The following TBC1D10B variants were observed in gnomAD, a reference collection of about 807,000 sequenced individuals.
The protein encoded by TBC1D10B is Rab27A-GAPbeta.
Under a neutral mutation model 78.4 loss-of-function variants are expected in TBC1D10B, and 25 were observed. That is an observed-to-expected ratio of 0.32 (90% CI 0.23 to 0.45). TBC1D10B has a LOEUF of 0.45. TBC1D10B is among the 20% of genes least tolerant of loss of function. The probability of loss-of-function intolerance (pLI) is 1.00; values close to 1 mark genes in which losing one functional copy is unlikely to be tolerated. For missense variants in TBC1D10B, 996 were observed against 1,104.8 expected, an observed-to-expected ratio of 0.90 and a Z score of 1.40; for synonymous variants, 517 against 478.0, an observed-to-expected ratio of 1.08 and a Z score of -1.06.
chr16:30,369,233 G>A lies in TBC1D10B; in HGVS notation c.951C>T (p.Gly317=). The change falls in exon 1 of 9, where the codon GGC becomes GGT. Residue 317 remains glycine, a synonymous_variant. Coordinates refer to ENST00000409939, the MANE Select transcript of TBC1D10B (RefSeq NM_015527.4). The surrounding 1 kb of genome is among the most constrained non-coding windows in gnomAD (Gnocchi z 4.3). ...GGGTGCCCACTGGTACTCACAGGCT[G>A]CCCGAGTACTGGCTGCCCCCAAGGA... ...YGFLGGSQYS[G]SLESSIPVDV... 1 of 1,578,838 alleles carries A rather than the reference G, an allele frequency of 6.3e-7. No homozygotes were observed. The highest frequency in any genetic ancestry group is 8.6e-7 in the Non-Finnish European group (1 of 1,162,464).
rs1267989430 is a variant in TBC1D10B, at chr16:30,370,210, C to A, written c.-27G>T. On this transcript the variant is annotated 5_prime_UTR_variant, in exon 1 of 9. Transcript: ENST00000409939. Reference sequence around the variant, plus strand: ...GCCGCGGGCCGCCCCTCACATCCCCCCGCCGGGGAGGCCGCAGAAGGCGCC... The same window carrying A: ...GCCGCGGGCCGCCCCTCACATCCCCACGCCGGGGAGGCCGCAGAAGGCGCC... The A allele has an allele frequency of 9.0e-7, 1 of 1,116,300 alleles. No individual in the cohort carries two copies. The highest frequency in any genetic ancestry group is 1.6e-5 in the African/African-American group (1 of 60,712). The allele number at this position is 1,116,300 out of a possible 1,614,324, so 69.1% of individuals were successfully genotyped here. A position where few individuals can be genotyped will look rare whatever the true frequency, so the allele number is the denominator to read the frequency against.
At position 30,359,251 on chromosome 16, in the gene TBC1D10B, C is replaced by A. The variant is rs780139832; in HGVS notation, c.1563G>T (p.Thr521=). 1.9e-6 allele frequency: 3 copies of A among 1,612,494 alleles called. No individual in the cohort carries two copies. The highest frequency in any genetic ancestry group is 2.7e-5 in the African/African-American group (2 of 74,932). ...RQRIDPVLYM[T]EWFMCIFART... ...GGGCGAAGATGCACATGAACCACTCCGTCATGTAGAGCACAGGGTCAATGC... is the reference window on the plus strand; with the variant it reads ...GGGCGAAGATGCACATGAACCACTCAGTCATGTAGAGCACAGGGTCAATGC... The change falls in exon 7 of 9, where the codon ACG becomes ACT. Residue 521 remains threonine (T), a synonymous_variant. Transcript: ENST00000409939.
chr16:30,365,678 C>A lies in TBC1D10B; in HGVS notation c.957-84G>T. 7.7e-7 allele frequency: 1 copy of A among 1,302,540 alleles called. No homozygotes were observed. The highest frequency in any genetic ancestry group is 2.3e-5 in the East Asian group (1 of 43,102). 80.7% of individuals were successfully genotyped at this position (1,302,540 alleles called of 1,614,324 possible). ...AGGGGGAACTGAGGCAAGCCACCTCCCCAAGCTCAAACGAGAAACTGGATA... is the reference window on the plus strand; with the variant it reads ...AGGGGGAACTGAGGCAAGCCACCTCACCAAGCTCAAACGAGAAACTGGATA... On this transcript the variant is annotated intron_variant, in intron 1 of 8. Coordinates refer to ENST00000409939, the MANE Select transcript of TBC1D10B (RefSeq NM_015527.4). This position sits in a 1 kb window ranked among gnomAD's most constrained non-coding sequence, Gnocchi z 5.0.
Position 30,369,157 on chromosome 16 carries a change from C to T in TBC1D10B, c.956+71G>A. Reference sequence around the variant, plus strand: ...CTGCCAGAGTCTGGGCAAAGTGTATCGTTTTCGTTTCGCCCTCCCCCAACC... The same window carrying T: ...CTGCCAGAGTCTGGGCAAAGTGTATTGTTTTCGTTTCGCCCTCCCCCAACC... On this transcript the variant is annotated intron_variant, in intron 1 of 8. Coordinates refer to ENST00000409939, the MANE Select transcript of TBC1D10B (RefSeq NM_015527.4). This position sits in a 1 kb window ranked among gnomAD's most constrained non-coding sequence, Gnocchi z 4.3. The T allele has an allele frequency of 7.0e-7, 1 of 1,427,924 alleles. No homozygotes were observed. 88.5% of individuals were successfully genotyped at this position (1,427,924 alleles called of 1,614,324 possible).
At position 30,359,344 on chromosome 16, in the gene TBC1D10B, G is replaced by A. The variant is rs773965009; in HGVS notation, c.1470C>T (p.Asp490=). Residue 490 remains aspartate (D), a synonymous_variant, in exon 7 of 9, where the codon GAC becomes GAT. Transcript: ENST00000409939. ...YSAGLEAIQL[D]GEIFFALLRR... ...GCAGGAGTGCAAAAAAGATCTCCCC[G>A]TCCAGCTGAATGGCCTCCTGCAGGT... is the stretch of plus-strand genomic sequence containing the variant. 1.3e-5 allele frequency: 20 copies of A among 1,573,170 alleles called. No individual in the cohort carries two copies. The highest frequency in any genetic ancestry group is 1.7e-4 in the Middle Eastern group (1 of 6,042).
intron 4 of TBC1D10B, among the ~76,000 whole-genome samples, chr16:30,362,330 A>T (rs2049604991): frequency 6.6e-6 from 1 of 152,224 alleles, no homozygotes; most frequent in African/African-American, 2.4e-5. Flanking sequence ...TCCAGTGTTC[A>T]ATCCAGAGGT....
In TBC1D10B at chr16:30,358,404, G is replaced by A. The variant is rs1327709985; in HGVS notation, c.1967C>T (p.Ser656Phe). The change falls in exon 9 of 9, where the codon TCC (serine) becomes TTC (phenylalanine). Residue 656 changes from serine to phenylalanine, a missense_variant. Ser to Phe is a radical substitution (Grantham distance 155). Coordinates refer to ENST00000409939, the MANE Select transcript of TBC1D10B (RefSeq NM_015527.4). The part of the protein sequence containing the change: ...RRRQQPPLGP[S>F]SSLLSLPGLK... Reference sequence around the variant, plus strand: ...GCCAGGGAGGCTGAGGAGGCTGGAGGAGGGGCCCAGGGGTGGCTGTTGCCG... The same window carrying A: ...GCCAGGGAGGCTGAGGAGGCTGGAGAAGGGGCCCAGGGGTGGCTGTTGCCG... 3.2e-6 allele frequency: 5 copies of A among 1,573,632 alleles called. No individual in the cohort carries two copies. The highest frequency in any genetic ancestry group is 1.2e-5 in the South Asian group (1 of 86,152).
chr16:30,359,813 C>T lies in TBC1D10B; in HGVS notation c.1300G>A (p.Ala434Thr). 1.3e-6 allele frequency: 2 copies of T among 1,573,518 alleles called. No homozygotes were observed. Among genetic ancestry groups the T allele is most frequent in the Non-Finnish European group, 1.7e-6 (2 of 1,159,064 alleles). ...GQQDLYRILK[A>T]YTIYRPDEGY... ...TCGTCAGGCCGGTAGATGGTGTAGG[C>T]CTTCAGGATTCGGTACAGGTCCTGT... The change falls in exon 5 of 9, where the codon GCC becomes ACC. Residue 434 changes from alanine to threonine, a missense_variant. Coordinates refer to ENST00000409939, the MANE Select transcript of TBC1D10B (RefSeq NM_015527.4).
intron 4 of TBC1D10B, among the ~76,000 whole-genome samples, chr16:30,361,022 C>T (rs563073965): frequency 1.8e-4 from 27 of 152,244 alleles, no homozygotes; most frequent in African/African-American, 5.5e-4. Context: ...CAGTAGCTCG[C>T]GCCTGTAATC....
chr16:30,359,275 G>C lies in TBC1D10B; in HGVS notation c.1539C>G (p.Arg513=), dbSNP rs768357273. 1.2e-6 allele frequency: 2 copies of C among 1,609,562 alleles called. No individual in the cohort carries two copies. Among genetic ancestry groups the C allele is most frequent in the Middle Eastern group, 1.7e-4 (1 of 6,054 alleles). The change falls in exon 7 of 9, where the codon CGC becomes CGG. Residue 513 remains arginine, a synonymous_variant. Transcript: ENST00000409939. Reference sequence around the variant, plus strand: ...CCGTCATGTAGAGCACAGGGTCAATGCGCTGCCGCCGCAGGTGGCGATGCG... The same window carrying C: ...CCGTCATGTAGAGCACAGGGTCAATCCGCTGCCGCCGCAGGTGGCGATGCG... The part of the protein sequence containing the change: ...PLAHRHLRRQ[R]IDPVLYMTEW...
chr16:30,365,168 G>A lies in TBC1D10B; in HGVS notation c.1101C>T (p.Ala367=). 1 of 1,613,976 alleles carries A rather than the reference G, an allele frequency of 6.2e-7. No homozygotes were observed. Among genetic ancestry groups the A allele is most frequent in the Non-Finnish European group, 8.5e-7 (1 of 1,179,890 alleles). Residue 367 remains alanine (A), a synonymous_variant, in exon 3 of 9, where the codon GCC becomes GCT. Coordinates refer to ENST00000409939, the MANE Select transcript of TBC1D10B (RefSeq NM_015527.4). The surrounding 1 kb of genome is among the most constrained non-coding windows in gnomAD (Gnocchi z 5.0). ...TATTAGACAGGTACTGCCAGGCTTT[G>A]GCTCTGAGAGAGGAGGGGATCCCCT... The part of the protein sequence containing the change: ...CRKGIPSSLR[A]KAWQYLSNSK...
chr16:30,370,468 G>A lies in TBC1D10B; in HGVS notation c.-285C>T, dbSNP rs565396603. ...CCGACCTCGCGCCTGCGCACACGCC[G>A]CAGAGCCGGCTCCGCGCCAGCGTCT... On this transcript the variant is annotated 5_prime_UTR_variant, in exon 1 of 9. Coordinates refer to ENST00000409939, the MANE Select transcript of TBC1D10B (RefSeq NM_015527.4). Among the ~76,000 whole-genome samples, 2 of 152,076 alleles carry A rather than the reference G, an allele frequency of 1.3e-5. No individual in the cohort carries two copies. The highest frequency in any genetic ancestry group is 2.9e-5 in the Non-Finnish European group (2 of 67,956).
chr16:30,362,544 C>T (rs991948550), intron 4 of TBC1D10B, among the ~76,000 whole-genome samples: 6 of 151,970 alleles, frequency 3.9e-5, no homozygotes, highest in African/African-American at 7.2e-5. Context: ...TTGGACATTT[C>T]GCATCAATTC....
chr16:30,363,806 G>A (rs1015655070), intron 4 of TBC1D10B, among the ~76,000 whole-genome samples: 2 of 152,120 alleles, frequency 1.3e-5, no homozygotes, highest in Non-Finnish European at 2.9e-5. Context: ...TTTGCTAAAG[G>A]ATGAATTATT....
chr16:30,368,560 G>A (rs2049655288), intron 1 of TBC1D10B, among the ~76,000 whole-genome samples: 3 of 152,100 alleles, frequency 2.0e-5, no homozygotes, highest in Admixed American at 2.0e-4. Context: ...CCCCTACCTC[G>A]GGAGTGACTC....
Position 30,358,529 on chromosome 16 carries a change from A to AT in TBC1D10B, c.1841dup (p.Asn614LysfsTer86). On this transcript the variant is annotated frameshift_variant, in exon 9 of 9. Transcript: ENST00000409939. LOFTEE classifies it high-confidence loss of function. The stretch of plus-strand genomic sequence containing the variant: ...CCCGCCACTTCTTGAGCTGGGCTGC[A>AT]TTCTCCCGCTCAATCAGTGCTTCTG... 1 of 1,610,672 alleles carries AT rather than the reference A, an allele frequency of 6.2e-7. No homozygotes were observed. Among genetic ancestry groups the AT allele is most frequent in the Non-Finnish European group, 8.5e-7 (1 of 1,177,626 alleles).
At position 30,369,840 on chromosome 16, in the gene TBC1D10B, G is replaced by A. The variant is rs1479336700; in HGVS notation, c.344C>T (p.Ala115Val). Reference protein sequence around the residue: ...LPSGPESPEPAAVAGVETSRA... With the variant: ...LPSGPESPEPVAVAGVETSRA... The stretch of plus-strand genomic sequence containing the variant: ...CGATGTCTCAACTCCAGCCACTGCC[G>A]CGGGCTCTGGGGATTCCGGGCCGGA... Residue 115 changes from alanine to valine, a missense_variant, in exon 1 of 9, where the codon GCG (alanine) becomes GTG (valine). Coordinates refer to ENST00000409939, the MANE Select transcript of TBC1D10B (RefSeq NM_015527.4). This position sits in a 1 kb window ranked among gnomAD's most constrained non-coding sequence, Gnocchi z 4.3. The A allele has an allele frequency of 2.1e-6, 3 of 1,411,382 alleles. No homozygotes were observed. The highest frequency in any genetic ancestry group is 2.9e-5 in the African/African-American group (2 of 68,408). 87.4% of individuals were successfully genotyped at this position (1,411,382 alleles called of 1,614,324 possible).
Position 30,358,056 on chromosome 16 carries a change from T to G in TBC1D10B, c.2315A>C (p.Lys772Thr). The change falls in exon 9 of 9, where the codon AAG becomes ACG. Residue 772 changes from lysine to threonine, a missense_variant. Physicochemically the swap from Lys to Thr is moderately conservative, Grantham distance 78. Around this residue, in one of 5 missense-constraint regions of TBC1D10B, gnomAD observed 285 missense variants for 252.5 expected, o/e 1.13. Transcript: ENST00000409939. ...KQEKERQKQEKKAQGRKLSLR... is the reference protein window; with the variant it reads ...KQEKERQKQETKAQGRKLSLR... ...CGAAAGCTTCCGGCCTTGAGCCTTC[T>G]TCTCCTGCTTCTGCCGCTCCTTCTC... 6.4e-7 allele frequency: 1 copy of G among 1,551,842 alleles called. No individual in the cohort carries two copies.
chr16:30,359,410 C>T (rs766763452), intron 6 of TBC1D10B, 49 bp from the exon 7 acceptor site: 4 of 1,548,282 alleles, frequency 2.6e-6, no homozygotes, highest in South Asian at 1.2e-5. Context: ...GCTGTGCCCC[C>T]ATCAGGGGAG....
Sources: gnomAD v4.1 joint callset for allele counts (sites outside exome capture counted in the v4.1 genomes callset) on GRCh38, gnomAD v4.1.1 for gene constraint, gnomAD v4.1.1 regional missense constraint, Gnocchi (gnomAD v3.1) non-coding constraint, MANE v1.5 for transcripts, NCBI Gene and HGNC (gene_info 2026-07-23, HGNC 2026-07-21) for gene names.